E2F3: variants seen among roughly 807,000 people sequenced by gnomAD.
The protein encoded by E2F3 is E2F transcription factor 3.
In E2F3, 11 loss-of-function variants were observed where a neutral mutation model predicts 44.4. The ratio of observed to expected loss-of-function variants is 0.25; its 90% CI spans 0.16 to 0.41. The LOEUF is 0.41. E2F3 is among the 10% of genes least tolerant of loss of function. The pLI, the probability that E2F3 is intolerant of heterozygous loss-of-function variation, is 1.00. For missense variants in E2F3, 487 were observed against 583.6 expected (o/e 0.83, Z 1.70); for synonymous variants, 249 against 253.0 (o/e 0.98, Z 0.15).
chr6:20,490,362 A>G lies in E2F3; in HGVS notation c.1330A>G (p.Ile444Val), dbSNP rs1655011083. The change falls in exon 7 of 7, where the codon ATC becomes GTC. Residue 444 changes from isoleucine to valine, a missense_variant. Physicochemically the swap from Ile to Val is conservative, Grantham distance 29 (BLOSUM62 3). This residue lies in a region of E2F3 where 220 missense variants were observed against 261.7 expected (regional missense o/e 0.84). Coordinates refer to ENST00000346618, the MANE Select transcript of E2F3 (RefSeq NM_001949.5). The surrounding 1 kb of genome is among the most constrained non-coding windows in gnomAD (Gnocchi z 4.3). ...YLLSLGEEEG[I>V]SDLFDAYDLE... ...CCTGAGCCTCGGGGAGGAGGAAGGC[A>G]TCAGCGATCTCTTCGATGCTTACGA... 1 of 1,613,440 alleles carries G rather than the reference A, an allele frequency of 6.2e-7. No individual in the cohort carries two copies. The highest frequency in any genetic ancestry group is 8.5e-7 in the Non-Finnish European group (1 of 1,179,680).
At chr6:20,473,921 G>A (rs543179677) in intron 1 of E2F3, among the ~76,000 whole-genome samples, 2 of 152,204 alleles carry the variant, frequency 1.3e-5, no homozygotes, top group African/African-American at 2.4e-5. Flanking sequence ...GGGAAGAGTC[G>A]TCCTAATGTT....
intron 1 of E2F3, among the ~76,000 whole-genome samples, chr6:20,465,869 T>C (rs1407249437): frequency 6.6e-6 from 1 of 152,234 alleles, no homozygotes; most frequent in East Asian, 1.9e-4. Flanking sequence ...TTGGGTTGGT[T>C]CCAATTTTTG....
intron 1 of E2F3, among the ~76,000 whole-genome samples, chr6:20,444,374 T>G (rs1189595169): frequency 6.6e-6 from 1 of 152,222 alleles, no homozygotes; most frequent in African/African-American, 2.4e-5. Flanking sequence ...TCGGTCTTTA[T>G]GAAATAAACT....
At chr6:20,459,318 A>T (rs908677476) in intron 1 of E2F3, among the ~76,000 whole-genome samples, 6 of 152,172 alleles carry the variant, frequency 3.9e-5, no homozygotes, top group Non-Finnish European at 8.8e-5. Flanking sequence ...CTTCAGTGGG[A>T]AGAACAGCAG....
intron 1 of E2F3, among the ~76,000 whole-genome samples, chr6:20,464,904 T>A (rs1761650868): frequency 1.3e-5 from 2 of 152,210 alleles, no homozygotes; most frequent in South Asian, 2.1e-4. Context: ...CTAGGGGAAG[T>A]GTTCCCTGGA....
chr6:20,450,196 C>A (rs185341252), intron 1 of E2F3, among the ~76,000 whole-genome samples: 1 of 152,162 alleles, frequency 6.6e-6, no homozygotes, highest in Non-Finnish European at 1.5e-5. Context: ...CTTGAGAAAT[C>A]GCCACACTGC....
chr6:20,444,985 A>G (rs911805094), intron 1 of E2F3: 1 of 741,200 alleles, frequency 1.3e-6, no homozygotes. Flanking sequence ...CTGTCATATA[A>G]TAGATGCTCA....
Position 20,479,883 on chromosome 6 carries a change from A to G in E2F3, c.431A>G (p.Gln144Arg), listed in dbSNP as rs766376307. The G allele has an allele frequency of 2.5e-6, 4 of 1,613,016 alleles. No homozygotes were observed. Among genetic ancestry groups the G allele is most frequent in the Non-Finnish European group, 3.4e-6 (4 of 1,179,544 alleles). Residue 144 changes from glutamine (Q) to arginine (R), a missense_variant, in exon 2 of 7, where the codon CAG (glutamine) becomes CGG (arginine). Transcript: ENST00000346618. ...RRLELGESGH[Q>R]YLSDGLKTPK... Reference sequence around the variant, plus strand: ...CTGGAGCTAGGAGAAAGCGGTCATCAGTACCTCTCAGATGGTTTAAAAACC... The same window carrying G: ...CTGGAGCTAGGAGAAAGCGGTCATCGGTACCTCTCAGATGGTTTAAAAACC...
chr6:20,490,308 C>T lies in E2F3; in HGVS notation c.1276C>T (p.Leu426=), dbSNP rs776946784. Reference sequence around the variant, plus strand: ...CCTAGAAGGACCGTTTGTGAACTTACTGCCTCCCCTGCTGCAAGAGGACTA... The same window carrying T: ...CCTAGAAGGACCGTTTGTGAACTTATTGCCTCCCCTGCTGCAAGAGGACTA... ...SNLEGPFVNL[L]PPLLQEDYLL... Residue 426 remains leucine (L), a synonymous_variant, in exon 7 of 7, where the codon CTG becomes TTG. Coordinates refer to ENST00000346618, the MANE Select transcript of E2F3 (RefSeq NM_001949.5). The surrounding 1 kb of genome is among the most constrained non-coding windows in gnomAD (Gnocchi z 4.3). 6.2e-7 allele frequency: 1 copy of T among 1,614,172 alleles called. No individual in the cohort carries two copies. Among genetic ancestry groups the T allele is most frequent in the South Asian group, 1.1e-5 (1 of 91,084 alleles).
intron 1 of E2F3, among the ~76,000 whole-genome samples, chr6:20,479,268 T>C (rs1266385861): frequency 2.0e-5 from 3 of 152,172 alleles, no homozygotes; most frequent in Non-Finnish European, 4.4e-5. Flanking sequence ...GAGAGAGTGA[T>C]TGAAAATCTA....
chr6:20,436,464 C>CAG (rs1561859849), intron 1 of E2F3, among the ~76,000 whole-genome samples: 3 of 137,524 alleles, frequency 2.2e-5, no homozygotes, highest in African/African-American at 7.9e-5. Context: ...CACACACACA[C>CAG]ACACACACAC....
chr6:20,464,972 T>C (rs1490707234), intron 1 of E2F3, among the ~76,000 whole-genome samples: 2 of 152,236 alleles, frequency 1.3e-5, no homozygotes, highest in African/African-American at 4.8e-5. Flanking sequence ...CTTCCTTATA[T>C]AAAGCCTACT....
intron 4 of E2F3, among the ~76,000 whole-genome samples, chr6:20,485,962 A>T (rs1416681220): frequency 6.6e-6 from 1 of 152,140 alleles, no homozygotes; most frequent in African/African-American, 2.4e-5. Flanking sequence ...AATAGAGATT[A>T]CATTTTTTTT....
intron 1 of E2F3, among the ~76,000 whole-genome samples, chr6:20,427,436 C>T (rs1760252078): frequency 6.6e-6 from 1 of 152,170 alleles, no homozygotes; most frequent in Non-Finnish European, 1.5e-5. Flanking sequence ...GCAGGGGTTA[C>T]ATTGGGGTTT....
At chr6:20,415,263 A>G (rs968660158) in intron 1 of E2F3, among the ~76,000 whole-genome samples, 6 of 152,234 alleles carry the variant, frequency 3.9e-5, no homozygotes, top group African/African-American at 1.4e-4. Context: ...AGAAAGGGCA[A>G]TGAAGACCAT....
At chr6:20,434,762 A>C (rs146844452) in intron 1 of E2F3, among the ~76,000 whole-genome samples, 284 of 152,314 alleles carry the variant, frequency 1.9e-3, no homozygotes, top group African/African-American at 6.6e-3. Flanking sequence ...TCACTGCAGC[A>C]AGCTTTATAA....
chr6:20,471,554 C>T (rs1313413582), intron 1 of E2F3, among the ~76,000 whole-genome samples: 1 of 152,058 alleles, frequency 6.6e-6, no homozygotes, highest in Non-Finnish European at 1.5e-5. Flanking sequence ...GCACTCTAGC[C>T]TGGGCAAAAA....
At chr6:20,473,455 T>C (rs1434864851) in intron 1 of E2F3, among the ~76,000 whole-genome samples, 3 of 152,070 alleles carry the variant, frequency 2.0e-5, no homozygotes, top group African/African-American at 7.2e-5. Context: ...CAAAATTGAG[T>C]GGAAAACAGT....
At chr6:20,417,118 T>C (rs779672572) in intron 1 of E2F3, among the ~76,000 whole-genome samples, 1 of 152,240 alleles carries the variant, frequency 6.6e-6, no homozygotes, top group African/African-American at 2.4e-5. Context: ...CATTAAAAAA[T>C]TTTTATAGCT....
Sources: gnomAD v4.1 joint callset for allele counts (sites outside exome capture counted in the v4.1 genomes callset) on GRCh38, gnomAD v4.1.1 for gene constraint, gnomAD v4.1.1 regional missense constraint, Gnocchi (gnomAD v3.1) non-coding constraint, MANE v1.5 for transcripts, NCBI Gene and HGNC (gene_info 2026-07-23, HGNC 2026-07-21) for gene names.